DOK7: variants seen among roughly 807,000 people sequenced by gnomAD.
The protein encoded by DOK7 is protein Dok-7.
DOK7 carries 32 observed loss-of-function variants against 30.7 expected under a neutral mutation model. That is an observed-to-expected ratio of 1.04 (90% CI 0.79 to 1.40). The LOEUF (loss-of-function observed/expected upper bound fraction) is 1.40. Among genes scored for constraint, DOK7 ranks in the 40% most tolerant of loss-of-function variants. DOK7 has a pLI of 0.00. For synonymous variants in DOK7, 447 were observed against 324.1 expected (o/e 1.38, Z -4.07); for missense variants, 1,007 against 699.2 (o/e 1.44, Z -4.97).
intron 3 of DOK7, among the ~76,000 whole-genome samples, chr4:3,475,864 G>T (rs1297222933): frequency 6.6e-6 from 1 of 152,098 alleles, no homozygotes; most frequent in Non-Finnish European, 1.5e-5. Flanking sequence ...GGGGAGGGAG[G>T]TGGAGGTCCG....
At chr4:3,498,889 G>T (rs905786720), downstream of DOK7, among the ~76,000 whole-genome samples, 6 of 152,232 alleles carry the variant, frequency 3.9e-5, 1 homozygote, top group Non-Finnish European at 8.8e-5. Flanking sequence ...TTAGTTCATG[G>T]AATCAGGTGA....
chr4:3,473,317 G>T, intron 2 of DOK7, 89 bp from the exon 3 acceptor site: 2 of 1,344,200 alleles, frequency 1.5e-6, no homozygotes, highest in South Asian at 1.2e-5. Flanking sequence ...CCCAGCCCGG[G>T]TCTCTGCACT....
downstream of DOK7, among the ~76,000 whole-genome samples, chr4:3,498,675 AGCTGGCCCTGCTGGCCCTGTCCCT>A (rs1306876361): frequency 6.6e-6 from 1 of 150,502 alleles, no homozygotes; most frequent in Admixed American, 6.6e-5. Context: ...TCCTCTAGGC[AGCTGGCCCTGCTGGCCCTGTCCCT>A]GCTGGCCCAG....
At chr4:3,466,622 C>T (rs1024171955) in intron 2 of DOK7, among the ~76,000 whole-genome samples, 4 of 152,218 alleles carry the variant, frequency 2.6e-5, no homozygotes, top group African/African-American at 4.8e-5. Flanking sequence ...GGCGACCTTC[C>T]CTCAGCCCCC....
At chr4:3,463,936 G>A (rs1350224726) in intron 2 of DOK7, among the ~76,000 whole-genome samples, 3 of 152,316 alleles carry the variant, frequency 2.0e-5, no homozygotes, top group East Asian at 3.9e-4. Flanking sequence ...GGGGTGCTGC[G>A]TGGGTTAGCG....
intron 2 of DOK7, among the ~76,000 whole-genome samples, chr4:3,464,701 T>G (rs10032725): frequency 0.11 from 17,181 of 152,166 alleles, 2,265 homozygotes; most frequent in African/African-American, 0.32. Context: ...AGAGGCCGCA[T>G]CCCAGGAAGG....
chr4:3,490,830 C>T (rs1728319519), intron 6 of DOK7, among the ~76,000 whole-genome samples: 1 of 67,258 alleles, frequency 1.5e-5, no homozygotes, highest in South Asian at 5.6e-4. Context: ...CCTGCCTTCC[C>T]CCCATTCATT....
At chr4:3,474,749 G>A (rs2109338604) in intron 3 of DOK7, among the ~76,000 whole-genome samples, 1 of 152,132 alleles carries the variant, frequency 6.6e-6, no homozygotes, top group South Asian at 2.1e-4. Flanking sequence ...TTGAACCTGG[G>A]AGGCAGAGGT....
chr4:3,468,176 C>T, intron 2 of DOK7, among the ~76,000 whole-genome samples: 1 of 143,456 alleles, frequency 7.0e-6, no homozygotes, highest in South Asian at 2.2e-4. Flanking sequence ...ATGTGAATAC[C>T]TGTGTGTGGG....
intron 2 of DOK7, among the ~76,000 whole-genome samples, chr4:3,466,948 C>T (rs559967913): frequency 1.3e-5 from 2 of 152,298 alleles, no homozygotes; most frequent in East Asian, 1.9e-4. Flanking sequence ...ATCTTGGTCT[C>T]GTGTGTCCTG....
chr4:3,499,858 G>A (rs1729104113), intron 6 of DOK7, among the ~76,000 whole-genome samples: 1 of 152,096 alleles, frequency 6.6e-6, no homozygotes, highest in Non-Finnish European at 1.5e-5. Context: ...GGGTTAGGTA[G>A]AGAAGGTGCT....
intron 5 of DOK7, among the ~76,000 whole-genome samples, chr4:3,486,011 C>T (rs1032324913): frequency 1.3e-5 from 2 of 151,974 alleles, no homozygotes; most frequent in African/African-American, 4.8e-5. Context: ...CGCCCAGGAG[C>T]AGGGAAGGCC....
At chr4:3,471,418 C>A (rs1191649297) in intron 2 of DOK7, among the ~76,000 whole-genome samples, 3 of 152,184 alleles carry the variant, frequency 2.0e-5, no homozygotes, top group Non-Finnish European at 4.4e-5. Flanking sequence ...CTGTATGGTG[C>A]GTGATTATCC....
chr4:3,491,815 T>G (rs2699417), intron 6 of DOK7, among the ~76,000 whole-genome samples: 44 of 151,790 alleles, frequency 2.9e-4, no homozygotes, highest in Admixed American at 5.9e-4. Context: ...TGGGGAGAGG[T>G]GGTGGTGGAA....
intron 2 of DOK7, among the ~76,000 whole-genome samples, chr4:3,468,511 C>T (rs535596452): frequency 6.6e-5 from 9 of 136,188 alleles, no homozygotes; most frequent in East Asian, 6.4e-4. Flanking sequence ...TGCGTGTGTG[C>T]GTGTATGAGT....
chr4:3,493,591 G>A lies in DOK7; in HGVS notation c.*90G>A. On this transcript the variant is annotated 3_prime_UTR_variant, in exon 7 of 7. Transcript: ENST00000340083. Reference sequence around the variant, plus strand: ...GGCGCCAGCCTCCTTGCAGACTGGTGCTCTGTGTTCTGTGGGAGGGACCGG... The same window carrying A: ...GGCGCCAGCCTCCTTGCAGACTGGTACTCTGTGTTCTGTGGGAGGGACCGG... 1.3e-6 allele frequency: 2 copies of A among 1,548,482 alleles called. No individual in the cohort carries two copies. Among genetic ancestry groups the A allele is most frequent in the East Asian group, 2.4e-5 (1 of 40,854 alleles).
At chr4:3,488,642 C>T (rs1299822573) in intron 5 of DOK7, among the ~76,000 whole-genome samples, 3 of 152,212 alleles carry the variant, frequency 2.0e-5, no homozygotes, top group Non-Finnish European at 4.4e-5. Flanking sequence ...TGCCACTGCT[C>T]CTGGACTTTG....
chr4:3,478,496 A>AGGCTGGCCTCACAGAACCTGCAAATGGG (rs1727245378), intron 4 of DOK7, among the ~76,000 whole-genome samples: 1 of 139,902 alleles, frequency 7.1e-6, no homozygotes, highest in African/African-American at 2.7e-5. Flanking sequence ...CCTGCAAACC[A>AGGCTGGCCTCACAGAACCTGCAAATGGG]GGCTGGCCCC....
chr4:3,490,438 TCA>T (rs1300875910), intron 6 of DOK7, among the ~76,000 whole-genome samples: 13 of 51,356 alleles, frequency 2.5e-4, no homozygotes, highest in Non-Finnish European at 3.7e-4. Context: ...ATTCATTCCT[TCA>T]TTTCTCTCCT....
Sources: gnomAD v4.1 joint callset for allele counts (sites outside exome capture counted in the v4.1 genomes callset) on GRCh38, gnomAD v4.1.1 for gene constraint, MANE v1.5 for transcripts, NCBI Gene and HGNC (gene_info 2026-07-23, HGNC 2026-07-21) for gene names.